DPP10: variants seen among roughly 807,000 people sequenced by gnomAD.
DPP10 encodes the protein inactive dipeptidyl peptidase 10.
A neutral mutation model predicts 120.9 loss-of-function variants in DPP10; 33 were observed. The observed-to-expected ratio is 0.27, with a 90% CI of 0.21 to 0.37. The LOEUF (loss-of-function observed/expected upper bound fraction) is 0.37, where lower values mean the gene tolerates loss of function less well. Ranked by LOEUF, DPP10 falls within the 10% of genes least tolerant of loss-of-function variation. The pLI, the probability that DPP10 is intolerant of heterozygous loss-of-function variation, is 1.00. For missense variants in DPP10, 816 were observed against 942.8 expected (o/e 0.87, Z 1.76); for synonymous variants, 337 against 326.1 (o/e 1.03, Z -0.36).
chr2:115,370,465 G>A (rs2106395781), intron 3 of DPP10, among the ~76,000 whole-genome samples: 1 of 152,162 alleles, frequency 6.6e-6, no homozygotes, highest in Admixed American at 6.6e-5. Context: ...AGAAAGCAGA[G>A]TAAACATAGA....
chr2:115,038,410 A>G lies in DPP10; in HGVS notation c.61-270829A>G, dbSNP rs375162554. On this transcript the variant is annotated intron_variant, in intron 1 of 25. Coordinates refer to ENST00000410059, the MANE Select transcript of DPP10 (RefSeq NM_020868.6). ...CTCAGCCTCCAGAGTAGCTGGGACT[A>G]CAGGCGCCCGCCACCACGCCCGGCT... 7.0e-3 allele frequency among the ~76,000 whole-genome samples: 1,068 copies of G among 152,086 alleles called. 6 individuals are homozygous for G. Among genetic ancestry groups the G allele is most frequent in the Non-Finnish European group, 0.012 (799 of 67,986 alleles).
chr2:114,684,150 G>T (rs909080220), intron 1 of DPP10, among the ~76,000 whole-genome samples: 3 of 151,918 alleles, frequency 2.0e-5, no homozygotes, highest in Non-Finnish European at 4.4e-5. Context: ...TCCAGTGATG[G>T]CTGGCTGTAG....
At chr2:115,019,958 C>A (rs1702950610) in intron 1 of DPP10, among the ~76,000 whole-genome samples, 1 of 152,118 alleles carries the variant, frequency 6.6e-6, no homozygotes, top group East Asian at 1.9e-4. Context: ...TCCCAGTAAA[C>A]AAATGCTGAG....
At chr2:115,378,128 G>A (rs982424767) in intron 3 of DPP10, among the ~76,000 whole-genome samples, 11 of 152,174 alleles carry the variant, frequency 7.2e-5, no homozygotes, top group African/African-American at 2.2e-4. Context: ...CATTGAATCT[G>A]TAAATTACCT....
chr2:115,819,837 A>G (rs1687628940), intron 21 of DPP10, among the ~76,000 whole-genome samples: 1 of 152,112 alleles, frequency 6.6e-6, no homozygotes, highest in South Asian at 2.1e-4. Context: ...TCTACTAAAA[A>G]TACAAAACTA....
chr2:115,381,520 A>G (rs1347993603), intron 3 of DPP10, among the ~76,000 whole-genome samples: 2 of 152,176 alleles, frequency 1.3e-5, no homozygotes, highest in Non-Finnish European at 2.9e-5. Context: ...AGCTCGGAGA[A>G]ATTTGATCGT....
At chr2:115,466,187 A>G (rs2074313976) in intron 3 of DPP10, among the ~76,000 whole-genome samples, 1 of 152,228 alleles carries the variant, frequency 6.6e-6, no homozygotes, top group Non-Finnish European at 1.5e-5. Flanking sequence ...ATACCAATCC[A>G]GAGAAATCCT....
rs10610510 is a variant in DPP10, at chr2:115,421,869, C to CAA, written c.272-77614_272-77613dup. On this transcript the variant is annotated intron_variant, in intron 3 of 25. Coordinates refer to ENST00000410059, the MANE Select transcript of DPP10 (RefSeq NM_020868.6). ...CTGGCGACAGAGCAAGACTCCATCT[C>CAA]AAAAAAAAAAAAAAAAAAAAAAAAA... 3.8e-3 allele frequency among the ~76,000 whole-genome samples: 179 copies of CAA among 46,910 alleles called. 17 individuals carry two copies. Among genetic ancestry groups the CAA allele is most frequent in the African/African-American group, 0.016 (165 of 10,522 alleles). 30.8% of individuals were successfully genotyped at this position (46,910 alleles called of 152,430 possible).
At chr2:115,041,999 CTATCT>C (rs1704681093) in intron 1 of DPP10, among the ~76,000 whole-genome samples, 1 of 110,626 alleles carries the variant, frequency 9.0e-6, no homozygotes, top group Non-Finnish European at 1.9e-5. Flanking sequence ...AACTGTTTTT[CTATCT>C]TATCTTTTTT....
At chr2:115,077,464 C>T (rs760850214) in intron 1 of DPP10, among the ~76,000 whole-genome samples, 5 of 152,098 alleles carry the variant, frequency 3.3e-5, no homozygotes, top group Non-Finnish European at 7.4e-5. Context: ...GTCAAAATAG[C>T]AAATAATTAT....
At chr2:115,762,085 T>G in intron 11 of DPP10, among the ~76,000 whole-genome samples, 1 of 152,186 alleles carries the variant, frequency 6.6e-6, no homozygotes, top group Non-Finnish European at 1.5e-5. Context: ...GTTTGATATT[T>G]TTTCTCAAAG....
chr2:115,524,914 T>C (rs2078032836), intron 4 of DPP10, among the ~76,000 whole-genome samples: 1 of 152,100 alleles, frequency 6.6e-6, no homozygotes, highest in Non-Finnish European at 1.5e-5. Flanking sequence ...TTGCCAAATA[T>C]TGATTAGTCT....
intron 1 of DPP10, among the ~76,000 whole-genome samples, chr2:114,929,680 A>C (rs1695921053): frequency 6.6e-6 from 1 of 152,194 alleles, no homozygotes; most frequent in African/African-American, 2.4e-5. Flanking sequence ...TATTGTTCAC[A>C]CATGTTTTAC....
chr2:114,819,399 A>G (rs1180271543), intron 1 of DPP10, among the ~76,000 whole-genome samples: 2 of 152,218 alleles, frequency 1.3e-5, no homozygotes, highest in Non-Finnish European at 2.9e-5. Flanking sequence ...GGATGGGCTA[A>G]GTTGTCCCTA....
intron 1 of DPP10, among the ~76,000 whole-genome samples, chr2:114,918,904 T>C (rs1296021850): frequency 6.6e-6 from 1 of 151,340 alleles, no homozygotes. Context: ...GACACACAAC[T>C]TACCTATGTA....
chr2:114,889,241 C>T (rs905725833), intron 1 of DPP10, among the ~76,000 whole-genome samples: 1 of 152,126 alleles, frequency 6.6e-6, no homozygotes, highest in Admixed American at 6.5e-5. Flanking sequence ...TTATGACAGC[C>T]TTAGCAAAAT....
chr2:115,372,317 T>C (rs1574595763), intron 3 of DPP10, among the ~76,000 whole-genome samples: 1 of 152,144 alleles, frequency 6.6e-6, no homozygotes, highest in East Asian at 1.9e-4. Context: ...TTTTTTTCTT[T>C]TTAATTGCAA....
rs114119562 is a variant in DPP10, at chr2:114,587,986, A to G, written c.60+145148A>G. Among the ~76,000 whole-genome samples, 950 of 152,358 alleles carry G rather than the reference A, an allele frequency of 6.2e-3. 6 individuals are homozygous for G. Among genetic ancestry groups the G allele is most frequent in the Non-Finnish European group, 8.8e-3 (601 of 68,032 alleles). ...TCAAAATGAAGCAACATTTACTGCA[A>G]TCTATGCTTTTAAGTAATGCCTCTC... is the stretch of plus-strand genomic sequence containing the variant. On this transcript the variant is annotated intron_variant, in intron 1 of 25. Transcript: ENST00000410059.
chr2:115,635,233 C>G (rs1357775584), intron 5 of DPP10, among the ~76,000 whole-genome samples: 1 of 152,216 alleles, frequency 6.6e-6, no homozygotes, highest in Non-Finnish European at 1.5e-5. Flanking sequence ...GGCCACCCCT[C>G]CCTCTGGGAA....
Sources: allele counts gnomAD v4.1 joint callset (sites outside exome capture counted in the v4.1 genomes callset), GRCh38; gene constraint gnomAD v4.1.1; transcripts MANE v1.5; gene names NCBI Gene and HGNC (gene_info 2026-07-23, HGNC 2026-07-21).